RABGAP1L: variants seen among roughly 807,000 people sequenced by gnomAD.
The protein encoded by RABGAP1L is rab GTPase-activating protein 1-like.
Under a neutral mutation model 137.7 loss-of-function variants are expected in RABGAP1L, and 63 were observed. The observed-to-expected ratio is 0.46, with a 90% CI of 0.37 to 0.56. RABGAP1L has a LOEUF of 0.56. RABGAP1L is among the 20% of genes least tolerant of loss of function. The pLI, the probability that RABGAP1L is intolerant of heterozygous loss-of-function variation, is 0.00. For missense variants in RABGAP1L, 1,095 were observed against 1,244.0 expected, an observed-to-expected ratio of 0.88 and a Z score of 1.80; for synonymous variants, 431 against 433.7, an observed-to-expected ratio of 0.99 and a Z score of 0.08.
intron 10 of RABGAP1L, among the ~76,000 whole-genome samples, chr1:174,291,301 C>T (rs569888932): frequency 6.6e-6 from 1 of 151,646 alleles, no homozygotes; most frequent in South Asian, 2.1e-4. Context: ...CCTTGCATTC[C>T]TTAGGAAAAG....
chr1:174,318,555 A>T (rs1322957780), intron 11 of RABGAP1L, among the ~76,000 whole-genome samples: 1 of 151,042 alleles, frequency 6.6e-6, no homozygotes, highest in Admixed American at 6.6e-5. Context: ...TTAGATAAAG[A>T]CTTTTTACTG....
intron 13 of RABGAP1L, among the ~76,000 whole-genome samples, chr1:174,445,899 C>T (rs1475498456): frequency 7.2e-5 from 11 of 152,114 alleles, no homozygotes; most frequent in Non-Finnish European, 1.2e-4. Flanking sequence ...TTATAAAGAT[C>T]GGTCAGTTCC....
chr1:174,696,051 C>T (rs1572839972), intron 15 of RABGAP1L, among the ~76,000 whole-genome samples: 1 of 152,164 alleles, frequency 6.6e-6, no homozygotes, highest in Non-Finnish European at 1.5e-5. Context: ...GCTGCAACTG[C>T]ACTTGGTCAC....
chr1:174,643,023 A>C (rs1674667952), intron 14 of RABGAP1L, among the ~76,000 whole-genome samples: 1 of 151,946 alleles, frequency 6.6e-6, no homozygotes. Flanking sequence ...GAATTCGGAC[A>C]ATTCGCCTGC....
intron 19 of RABGAP1L, among the ~76,000 whole-genome samples, chr1:174,892,225 G>A (rs558237799): frequency 1.6e-4 from 24 of 152,282 alleles, no homozygotes; most frequent in East Asian, 7.7e-4. Flanking sequence ...GCCCTCTCCC[G>A]CCTGGGCTCA....
intron 19 of RABGAP1L, among the ~76,000 whole-genome samples, chr1:174,816,792 C>T (rs1573338514): frequency 7.0e-6 from 1 of 143,796 alleles, no homozygotes; most frequent in Admixed American, 7.3e-5. Context: ...AATGCAATGG[C>T]GCGATCCCTG....
intron 19 of RABGAP1L, among the ~76,000 whole-genome samples, chr1:174,854,201 A>G (rs1015152491): frequency 6.6e-6 from 1 of 152,214 alleles, no homozygotes; most frequent in Non-Finnish European, 1.5e-5. Flanking sequence ...GATTTCCATC[A>G]CTTAAATATG....
intron 13 of RABGAP1L, among the ~76,000 whole-genome samples, chr1:174,621,283 G>C (rs1157713684): frequency 6.6e-6 from 1 of 152,152 alleles, no homozygotes; most frequent in Non-Finnish European, 1.5e-5. Flanking sequence ...ACTCCCCAAG[G>C]TAATTTATAG....
intron 19 of RABGAP1L, among the ~76,000 whole-genome samples, chr1:174,843,463 G>A (rs1393775407): frequency 1.3e-5 from 2 of 149,554 alleles, no homozygotes. Flanking sequence ...CACCTATGAG[G>A]GAGAATATGC....
At chr1:174,444,544 G>T (rs181424157) in intron 13 of RABGAP1L, among the ~76,000 whole-genome samples, 70 of 152,168 alleles carry the variant, frequency 4.6e-4, no homozygotes, top group Admixed American at 2.7e-3. Flanking sequence ...GTGTTTGGTA[G>T]AATTCAGCAG....
In RABGAP1L at chr1:174,586,555, T is replaced by A. The variant is rs72715246; in HGVS notation, c.1711-50820T>A. On this transcript the variant is annotated intron_variant, in intron 13 of 25. Coordinates refer to ENST00000681986, the MANE Select transcript of RABGAP1L (RefSeq NM_001366446.1). ...TACCCCAGAACTTAAGAAAAAAAAA[T>A]GAAATTATTTTTAAAAATTCTCCGT... is the stretch of plus-strand genomic sequence containing the variant. Among the ~76,000 whole-genome samples the A allele has an allele frequency of 5.6e-3, 844 of 152,010 alleles. 4 individuals carry two copies. Among genetic ancestry groups the A allele is most frequent in the Non-Finnish European group, 8.5e-3 (578 of 67,970 alleles).
At chr1:174,637,574 C>G in intron 14 of RABGAP1L, 86 bp downstream of exon 14, 3 of 942,224 alleles carry the variant, frequency 3.2e-6, no homozygotes, top group Non-Finnish European at 5.1e-6. Flanking sequence ...ACTCTGTCTT[C>G]ATTTCTTATT....
At chr1:174,608,239 C>T (rs1178267338) in intron 13 of RABGAP1L, among the ~76,000 whole-genome samples, 1 of 152,078 alleles carries the variant, frequency 6.6e-6, no homozygotes. Flanking sequence ...TGCCTTGGTT[C>T]ACCATTTTCT....
intron 7 of RABGAP1L, among the ~76,000 whole-genome samples, chr1:174,257,529 C>T (rs1019796600): frequency 2.6e-5 from 4 of 152,040 alleles, no homozygotes; most frequent in African/African-American, 9.7e-5. Flanking sequence ...TTACTTTTTG[C>T]CCACCCTTAT....
intron 13 of RABGAP1L, among the ~76,000 whole-genome samples, chr1:174,445,695 ATAAT>A (rs1319268221): frequency 6.6e-6 from 1 of 152,176 alleles, no homozygotes; most frequent in Non-Finnish European, 1.5e-5. Flanking sequence ...CAAATTTTTA[ATAAT>A]TAATAAGTTT....
At chr1:174,430,027 A>C (rs1652430428) in intron 13 of RABGAP1L, among the ~76,000 whole-genome samples, 1 of 152,186 alleles carries the variant, frequency 6.6e-6, no homozygotes, top group Non-Finnish European at 1.5e-5. Context: ...GTAAATTTAA[A>C]ATTGTATTTC....
chr1:174,475,551 A>C (rs1383427627), intron 13 of RABGAP1L, among the ~76,000 whole-genome samples: 2 of 152,088 alleles, frequency 1.3e-5, no homozygotes, highest in Non-Finnish European at 2.9e-5. Flanking sequence ...GATCTTATCT[A>C]CTTTTGTAGG....
At chr1:174,407,562 A>G (rs1325441877) in intron 13 of RABGAP1L, among the ~76,000 whole-genome samples, 2 of 152,034 alleles carry the variant, frequency 1.3e-5, no homozygotes, top group Admixed American at 1.3e-4. Context: ...AAGTCCAAGG[A>G]TTTTGCATGT....
chr1:174,669,153 GGGGA>G (rs919589164), intron 14 of RABGAP1L, among the ~76,000 whole-genome samples: 2 of 152,122 alleles, frequency 1.3e-5, no homozygotes, highest in Admixed American at 1.3e-4. Flanking sequence ...GGAAGGCAAA[GGGGA>G]AGCAAGGCAC....
Sources: gnomAD v4.1 joint callset for allele counts (sites outside exome capture counted in the v4.1 genomes callset) on GRCh38, gnomAD v4.1.1 for gene constraint, MANE v1.5 for transcripts, NCBI Gene and HGNC (gene_info 2026-07-23, HGNC 2026-07-21) for gene names.